Variants in ENOX1 observed in about 807,000 individuals in gnomAD.
ENOX1 encodes the protein ecto-NOX disulfide-thiol exchanger 1.
A neutral mutation model predicts 82.5 loss-of-function variants in ENOX1; 42 were observed. The observed-to-expected ratio is 0.51, with a 90% CI of 0.40 to 0.66. The LOEUF is 0.66. Among genes scored for constraint, ENOX1 ranks in the 30% least tolerant of loss-of-function variants. The pLI is 0.00. For missense variants in ENOX1, 608 were observed against 811.6 expected, an observed-to-expected ratio of 0.75 and a Z score of 3.05; for synonymous variants, 271 against 282.2, an observed-to-expected ratio of 0.96 and a Z score of 0.40.
chr13:43,678,084 T>A (rs1261264545), intron 1 of ENOX1, among the ~76,000 whole-genome samples: 1 of 152,102 alleles, frequency 6.6e-6, no homozygotes, highest in Admixed American at 6.6e-5. Flanking sequence ...GCATACAATA[T>A]ATCCAGGAGG....
At position 43,783,494 on chromosome 13, in the gene ENOX1, C is replaced by T. The variant is rs2153855494; in HGVS notation, c.-285+3158G>A. 1.3e-5 allele frequency among the ~76,000 whole-genome samples: 2 copies of T among 152,282 alleles called. 1 individual carries two copies. Among genetic ancestry groups the T allele is most frequent in the South Asian group, 4.1e-4 (2 of 4,828 alleles). On this transcript the variant is annotated intron_variant, in intron 1 of 16. Transcript: ENST00000690772. The stretch of plus-strand genomic sequence containing the variant: ...AGGGGAAGACATCCTGAGACTGGGT[C>T]TGTCACCAGGGTTGTGTCACATAAT...
chr13:43,333,576 A>G (rs1443670219), intron 9 of ENOX1, among the ~76,000 whole-genome samples: 1 of 152,212 alleles, frequency 6.6e-6, no homozygotes, highest in Non-Finnish European at 1.5e-5. Flanking sequence ...ATCTCCTCTG[A>G]GTCTCTACTA....
intron 3 of ENOX1, among the ~76,000 whole-genome samples, chr13:43,447,847 T>C (rs567219763): frequency 6.6e-6 from 1 of 152,190 alleles, no homozygotes; most frequent in African/African-American, 2.4e-5. Context: ...CCAAGTATAT[T>C]AAAATGTGTT....
chr13:43,581,160 T>C (rs1361584366), intron 2 of ENOX1, among the ~76,000 whole-genome samples: 1 of 108,682 alleles, frequency 9.2e-6, no homozygotes, highest in Non-Finnish European at 1.8e-5. Flanking sequence ...TGAGACGGAG[T>C]CTCACTCTGT....
At chr13:43,387,795 T>A (rs2052519804) in intron 5 of ENOX1, among the ~76,000 whole-genome samples, 1 of 152,058 alleles carries the variant, frequency 6.6e-6, no homozygotes, top group African/African-American at 2.4e-5. Context: ...TATACATATA[T>A]AAACATTTAT....
intron 1 of ENOX1, among the ~76,000 whole-genome samples, chr13:43,698,000 C>T (rs74579960): frequency 1.3e-5 from 2 of 152,144 alleles, no homozygotes; most frequent in East Asian, 3.9e-4. Context: ...TCACATTTGG[C>T]AGGGCAAAGA....
chr13:43,616,507 A>G (rs2082488795), intron 2 of ENOX1, among the ~76,000 whole-genome samples: 3 of 151,804 alleles, frequency 2.0e-5, no homozygotes, highest in Admixed American at 6.6e-5. Flanking sequence ...CAGCCGACAT[A>G]TAATATTTTT....
chr13:43,562,825 G>A (rs1212213926), intron 2 of ENOX1, among the ~76,000 whole-genome samples: 1 of 152,090 alleles, frequency 6.6e-6, no homozygotes, highest in African/African-American at 2.4e-5. Context: ...TAATCTATGG[G>A]TCAATTCAGC....
chr13:43,526,488 T>C (rs1484764974), intron 2 of ENOX1, among the ~76,000 whole-genome samples: 9 of 151,916 alleles, frequency 5.9e-5, no homozygotes, highest in Non-Finnish European at 1.3e-4. Flanking sequence ...TCTAAAATAC[T>C]GAAAAAAAAT....
At chr13:43,443,115 T>C (rs972016675) in intron 3 of ENOX1, among the ~76,000 whole-genome samples, 6 of 152,168 alleles carry the variant, frequency 3.9e-5, no homozygotes, top group African/African-American at 1.2e-4. Flanking sequence ...AAAAATGTTT[T>C]CTATAAACAG....
intron 2 of ENOX1, among the ~76,000 whole-genome samples, chr13:43,507,371 T>C (rs2077211504): frequency 6.6e-6 from 1 of 152,008 alleles, no homozygotes; most frequent in Admixed American, 6.6e-5. Context: ...CATAACCAGA[T>C]ATGTTTTTGT....
At chr13:43,707,756 ACCAAG>A (rs1566804991) in intron 1 of ENOX1, among the ~76,000 whole-genome samples, 70 of 94,020 alleles carry the variant, frequency 7.4e-4, no homozygotes, top group East Asian at 1.1e-3. Flanking sequence ...AAAAAAAAAA[ACCAAG>A]AACAAAGTAG....
chr13:43,724,509 A>C (rs2153819364), intron 1 of ENOX1, among the ~76,000 whole-genome samples: 1 of 152,360 alleles, frequency 6.6e-6, no homozygotes, highest in African/African-American at 2.4e-5. Flanking sequence ...TTGATAAAAT[A>C]ATCTATTTGC....
intron 6 of ENOX1, 105 bp downstream of exon 6, chr13:43,361,174 T>C (rs1329642654): frequency 3.4e-6 from 4 of 1,178,888 alleles, no homozygotes; most frequent in Non-Finnish European, 4.8e-6. Flanking sequence ...CCCCACTCTG[T>C]GCATTTACGT....
intron 11 of ENOX1, among the ~76,000 whole-genome samples, chr13:43,311,242 A>C (rs1260509386): frequency 6.6e-6 from 1 of 152,074 alleles, no homozygotes; most frequent in Non-Finnish European, 1.5e-5. Flanking sequence ...GAGAAAGAGA[A>C]GGGGCTCTGA....
intron 14 of ENOX1, among the ~76,000 whole-genome samples, chr13:43,259,705 A>G (rs1193315251): frequency 6.6e-6 from 1 of 152,106 alleles, no homozygotes; most frequent in Non-Finnish European, 1.5e-5. Context: ...TAAACTCCTG[A>G]CCTCGTGATC....
At chr13:43,548,490 A>T (rs1376623003) in intron 2 of ENOX1, among the ~76,000 whole-genome samples, 1 of 152,192 alleles carries the variant, frequency 6.6e-6, no homozygotes, top group African/African-American at 2.4e-5. Flanking sequence ...CTTCATTTTT[A>T]AGTAGGTTAT....
intron 11 of ENOX1, among the ~76,000 whole-genome samples, chr13:43,319,615 A>T (rs941971929): frequency 6.6e-6 from 1 of 152,108 alleles, no homozygotes; most frequent in Non-Finnish European, 1.5e-5. Flanking sequence ...TATGGAGATG[A>T]CAAGCAAAGC....
intron 1 of ENOX1, among the ~76,000 whole-genome samples, chr13:43,705,305 ACTCTCTCTCT>A (rs33978402): frequency 3.0e-5 from 4 of 132,652 alleles, no homozygotes; most frequent in Non-Finnish European, 6.4e-5. Context: ...ACAAACAACA[ACTCTCTCTCT>A]CTCTCTCTCT....
Sources: allele counts gnomAD v4.1 joint callset (sites outside exome capture counted in the v4.1 genomes callset), GRCh38; gene constraint gnomAD v4.1.1; transcripts MANE v1.5; gene names NCBI Gene and HGNC (gene_info 2026-07-23, HGNC 2026-07-21).